RFX4: variants seen among roughly 807,000 people sequenced by gnomAD.
The protein encoded by RFX4 is regulatory factor X4, also known as transcription factor RFX4.
A neutral mutation model predicts 95.0 loss-of-function variants in RFX4; 10 were observed. That is an observed-to-expected ratio of 0.11 (90% CI 0.06 to 0.18). RFX4 has a LOEUF of 0.18. RFX4 is among the 10% of genes least tolerant of loss of function. The pLI, the probability that RFX4 is intolerant of heterozygous loss-of-function variation, is 1.00. For missense variants in RFX4, 640 were observed against 922.0 expected (o/e 0.69, Z 3.96); for synonymous variants, 321 against 340.7 (o/e 0.94, Z 0.64).
At chr12:106,659,418 G>A (rs2041027214) in intron 4 of RFX4, among the ~76,000 whole-genome samples, 1 of 152,088 alleles carries the variant, frequency 6.6e-6, no homozygotes, top group South Asian at 2.1e-4. Flanking sequence ...GAGAACAACA[G>A]AACTATAAAT....
At chr12:106,721,898 G>T (rs1237014886) in intron 13 of RFX4, among the ~76,000 whole-genome samples, 2 of 152,208 alleles carry the variant, frequency 1.3e-5, no homozygotes, top group Non-Finnish European at 2.9e-5. Context: ...AAGTAAATAT[G>T]TGGGAAAACA....
At chr12:106,636,316 G>A (rs1432017476) in intron 2 of RFX4, among the ~76,000 whole-genome samples, 4 of 151,524 alleles carry the variant, frequency 2.6e-5, no homozygotes, top group Non-Finnish European at 5.9e-5. Context: ...CCTGAACCTG[G>A]GAGGTGGATG....
intron 8 of RFX4, among the ~76,000 whole-genome samples, chr12:106,701,254 G>A (rs11113088): frequency 0.2 from 30,407 of 152,138 alleles, 3,416 homozygotes; most frequent in South Asian, 0.28. Context: ...TCTGTAGGCA[G>A]TGTGCCTTTT....
chr12:106,733,242 G>T, intron 15 of RFX4, 157 bp downstream of exon 15: 1 of 722,218 alleles, frequency 1.4e-6, no homozygotes, highest in South Asian at 1.9e-5. Context: ...AGGCTGAGGT[G>T]GGAGAATTGC....
rs567318377 is a variant in RFX4 at position 106,602,845 on chromosome 12, C to T, written c.44-5952C>T. Among the ~76,000 whole-genome samples the T allele has an allele frequency of 6.6e-5, 10 of 152,228 alleles. No homozygotes were observed. The South Asian group carries it at 1.7e-3, about 25-fold the overall frequency. On this transcript the variant is annotated intron_variant, in intron 1 of 17. Transcript: ENST00000392842. ...TCACAAGCATCGCTACAGCTATGTG[C>T]CCAGTACTGTACTAGGCTCTTGGGG...
At chr12:106,615,327 G>C (rs1329755138) in intron 2 of RFX4, among the ~76,000 whole-genome samples, 1 of 152,086 alleles carries the variant, frequency 6.6e-6, no homozygotes, top group Non-Finnish European at 1.5e-5. Context: ...ATTCCAAACT[G>C]TTGGTCTTAC....
At chr12:106,692,466 G>A (rs1199471675) in intron 7 of RFX4, among the ~76,000 whole-genome samples, 2 of 152,156 alleles carry the variant, frequency 1.3e-5, no homozygotes, top group Non-Finnish European at 2.9e-5. Flanking sequence ...TTCCAAGCCT[G>A]GTACACTTAG....
At chr12:106,617,937 G>C (rs1421558213) in intron 2 of RFX4, among the ~76,000 whole-genome samples, 1 of 152,124 alleles carries the variant, frequency 6.6e-6, no homozygotes, top group Non-Finnish European at 1.5e-5. Context: ...ATGTTGGCCA[G>C]GGTGGTCTTG....
chr12:106,666,008 C>G (rs1413656459), intron 4 of RFX4, among the ~76,000 whole-genome samples: 1 of 151,904 alleles, frequency 6.6e-6, no homozygotes, highest in Admixed American at 6.6e-5. Flanking sequence ...AGTTTCTGAC[C>G]TATATCAATT....
chr12:106,711,629 T>A (rs1479734535), intron 10 of RFX4, 118 bp downstream of exon 10: 4 of 765,770 alleles, frequency 5.2e-6, no homozygotes. Context: ...CTCTCTATTA[T>A]TTTTTAATTT....
chr12:106,678,555 A>C (rs1237214017), intron 4 of RFX4, among the ~76,000 whole-genome samples: 1 of 152,256 alleles, frequency 6.6e-6, no homozygotes, highest in Non-Finnish European at 1.5e-5. Flanking sequence ...ATTATCTTGA[A>C]CTTTCAGTTA....
intron 17 of RFX4, among the ~76,000 whole-genome samples, chr12:106,759,422 C>A (rs956654122): frequency 1.3e-5 from 2 of 152,068 alleles, no homozygotes; most frequent in Non-Finnish European, 2.9e-5. Context: ...GGGCAAGCAA[C>A]CTTTTTGAAA....
intron 1 of RFX4, among the ~76,000 whole-genome samples, chr12:106,588,104 A>G (rs1457998255): frequency 6.6e-6 from 1 of 152,204 alleles, no homozygotes; most frequent in East Asian, 1.9e-4. Context: ...GAAGCAATAT[A>G]TGAGCTGGTT....
At chr12:106,755,987 T>C (rs1299427281) in intron 17 of RFX4, among the ~76,000 whole-genome samples, 2 of 152,210 alleles carry the variant, frequency 1.3e-5, no homozygotes, top group Non-Finnish European at 2.9e-5. Flanking sequence ...TTTTAAGTCA[T>C]TTGTTTTCAA....
rs778479197 is a variant in RFX4 at position 106,720,865 on chromosome 12, C to G, written c.1340C>G (p.Ala447Gly). 6.2e-7 allele frequency: 1 copy of G among 1,612,540 alleles called. No individual in the cohort carries two copies. The highest frequency in any genetic ancestry group is 8.5e-7 in the Non-Finnish European group (1 of 1,179,906). Reference sequence around the variant, plus strand: ...ATCCGGGACATGACCTTGCACAGCGCCCCCAGCTTCGGTAAGGCCACCCCA... The same window carrying G: ...ATCCGGGACATGACCTTGCACAGCGGCCCCAGCTTCGGTAAGGCCACCCCA... The part of the protein sequence containing the change: ...RVIRDMTLHS[A>G]PSFGSFHLIH... Residue 447 changes from alanine (A) to glycine (G), a missense_variant, in exon 13 of 18, where the codon GCC (alanine) becomes GGC (glycine). By Grantham distance (60) the Ala-to-Gly change is moderately conservative. Coordinates refer to ENST00000392842, the MANE Select transcript of RFX4 (RefSeq NM_213594.3). This position sits in a 1 kb window ranked among gnomAD's most constrained non-coding sequence, Gnocchi z 4.2.
At chr12:106,634,637 C>T (rs2040477503) in intron 2 of RFX4, among the ~76,000 whole-genome samples, 1 of 152,192 alleles carries the variant, frequency 6.6e-6, no homozygotes, top group Admixed American at 6.5e-5. Flanking sequence ...ACCCGTGCTG[C>T]AGCCACCTTG....
chr12:106,667,395 G>A (rs755226235), intron 4 of RFX4, among the ~76,000 whole-genome samples: 23 of 152,100 alleles, frequency 1.5e-4, no homozygotes, highest in African/African-American at 2.7e-4. Flanking sequence ...GTGCTCCAGC[G>A]TATTTCAAAA....
chr12:106,676,029 G>C (rs1027597801), intron 4 of RFX4, among the ~76,000 whole-genome samples: 3 of 152,190 alleles, frequency 2.0e-5, no homozygotes, highest in Admixed American at 6.5e-5. Context: ...CAGCACTCCA[G>C]GTGCAAAACC....
intron 3 of RFX4, among the ~76,000 whole-genome samples, chr12:106,646,595 G>A (rs1381688903): frequency 6.6e-6 from 1 of 152,262 alleles, no homozygotes; most frequent in Admixed American, 6.5e-5. Flanking sequence ...TTCTGGTCCA[G>A]TTTAGACATT....
Sources: allele counts gnomAD v4.1 joint callset (sites outside exome capture counted in the v4.1 genomes callset), GRCh38; gene constraint gnomAD v4.1.1; non-coding constraint Gnocchi (gnomAD v3.1); transcripts MANE v1.5; gene names NCBI Gene and HGNC (gene_info 2026-07-23, HGNC 2026-07-21).